Variants in GRM7 observed in about 807,000 individuals in gnomAD.
GRM7 encodes glutamate metabotropic receptor 7.
In GRM7, 35 loss-of-function variants were observed where a neutral mutation model predicts 84.5. That is an observed-to-expected ratio of 0.41 (90% CI 0.32 to 0.55). GRM7 has a LOEUF of 0.55. Ranked by LOEUF, GRM7 falls within the 20% of genes least tolerant of loss-of-function variation. The probability of loss-of-function intolerance (pLI) is 0.19; values close to 1 mark genes in which losing one functional copy is unlikely to be tolerated. For missense variants in GRM7, 1,003 were observed against 1,194.6 expected (o/e 0.84, Z 2.36); for synonymous variants, 487 against 455.1 (o/e 1.07, Z -0.89).
At chr3:7,238,434 T>A (rs1697423400) in intron 2 of GRM7, among the ~76,000 whole-genome samples, 1 of 152,126 alleles carries the variant, frequency 6.6e-6, no homozygotes, top group Non-Finnish European at 1.5e-5. Flanking sequence ...AGAAAGCTAT[T>A]TTTTCACCAC....
intron 4 of GRM7, among the ~76,000 whole-genome samples, chr3:7,379,962 AC>A (rs780414727): frequency 1.3e-5 from 2 of 151,978 alleles, no homozygotes; most frequent in African/African-American, 2.4e-5. Context: ...CCTTCTTACT[AC>A]CTTTATTTTC....
At chr3:7,503,401 C>G (rs1208008448) in intron 7 of GRM7, among the ~76,000 whole-genome samples, 3 of 151,986 alleles carry the variant, frequency 2.0e-5, no homozygotes, top group Non-Finnish European at 4.4e-5. Context: ...CACACACACA[C>G]ACACTTTCTC....
intron 2 of GRM7, among the ~76,000 whole-genome samples, chr3:7,162,119 G>T (rs1024436797): frequency 8.5e-5 from 13 of 152,182 alleles, no homozygotes; most frequent in African/African-American, 3.1e-4. Flanking sequence ...TTTTAGACTT[G>T]TGAGGCTTGA....
At chr3:7,445,169 G>A (rs532312601) in intron 5 of GRM7, among the ~76,000 whole-genome samples, 1 of 152,208 alleles carries the variant, frequency 6.6e-6, no homozygotes, top group African/African-American at 2.4e-5. Context: ...ACATTCAGTA[G>A]GTATAAGAGG....
intron 1 of GRM7, among the ~76,000 whole-genome samples, chr3:7,132,320 G>A (rs1414096736): frequency 6.6e-6 from 1 of 152,090 alleles, no homozygotes; most frequent in Admixed American, 6.6e-5. Context: ...ACATAAATAC[G>A]CTCATGGAGT....
At chr3:7,398,652 T>TAC (rs1225645228) in intron 4 of GRM7, among the ~76,000 whole-genome samples, 4 of 152,108 alleles carry the variant, frequency 2.6e-5, no homozygotes, top group Non-Finnish European at 4.4e-5. Context: ...TATGCATATA[T>TAC]ACACACACAC....
intron 8 of GRM7, among the ~76,000 whole-genome samples, chr3:7,647,808 G>A (rs1306585956): frequency 2.5e-5 from 3 of 121,296 alleles, no homozygotes; most frequent in Non-Finnish European, 5.5e-5. Flanking sequence ...CACTTGAGCA[G>A]ATGGTCTTGC....
rs192407547 is a variant in GRM7, at chr3:7,611,293, G to A, written c.2451+31936G>A. Among the ~76,000 whole-genome samples the A allele has an allele frequency of 1.8e-3, 274 of 152,250 alleles. 1 individual carries two copies. Among genetic ancestry groups the A allele is most frequent in the Middle Eastern group, 0.01 (3 of 294 alleles). The stretch of plus-strand genomic sequence containing the variant: ...ATAATTATTATATGAAACCGTTGCC[G>A]TAGTGTATCAAGGGGCCTATAATTT... On this transcript the variant is annotated intron_variant, in intron 8 of 9. Coordinates refer to ENST00000357716, the MANE Select transcript of GRM7 (RefSeq NM_000844.4).
At chr3:6,999,079 A>AT (rs971475549) in intron 1 of GRM7, among the ~76,000 whole-genome samples, 1 of 151,900 alleles carries the variant, frequency 6.6e-6, no homozygotes, top group Non-Finnish European at 1.5e-5. Context: ...AACTTTCCAA[A>AT]TTTTTTTTGC....
intron 1 of GRM7, among the ~76,000 whole-genome samples, chr3:7,063,414 G>A (rs73029510): frequency 0.15 from 22,438 of 151,718 alleles, 2,132 homozygotes; most frequent in Non-Finnish European, 0.21. Context: ...GCTGGGGTTA[G>A]AGAGAGGATA....
intron 6 of GRM7, among the ~76,000 whole-genome samples, chr3:7,460,723 A>G (rs1203289677): frequency 6.6e-6 from 1 of 152,228 alleles, no homozygotes; most frequent in Non-Finnish European, 1.5e-5. Flanking sequence ...TGCTGAAACT[A>G]ACAAAAACTC....
At chr3:7,221,836 T>C (rs968027427) in intron 2 of GRM7, among the ~76,000 whole-genome samples, 40 of 148,732 alleles carry the variant, frequency 2.7e-4, no homozygotes, top group African/African-American at 9.7e-4. Flanking sequence ...TGATGGAGTC[T>C]TACTCTGTCG....
intron 9 of GRM7, among the ~76,000 whole-genome samples, chr3:7,708,931 G>A (rs997814234): frequency 6.6e-6 from 1 of 151,732 alleles, no homozygotes; most frequent in Non-Finnish European, 1.5e-5. Flanking sequence ...TTGTGTGTAT[G>A]CACACACAAC....
At chr3:7,306,742 T>G in intron 4 of GRM7, 90 bp downstream of exon 4, 1 of 1,142,066 alleles carries the variant, frequency 8.8e-7, no homozygotes, top group Non-Finnish European at 1.2e-6. Context: ...GGTTTGGCAT[T>G]TTTACCAAAC....
At chr3:6,950,056 C>A (rs900488764) in intron 1 of GRM7, among the ~76,000 whole-genome samples, 8 of 152,210 alleles carry the variant, frequency 5.3e-5, no homozygotes, top group African/African-American at 1.9e-4. Flanking sequence ...TCTCTCAACT[C>A]ATCAAAGTCA....
Position 7,409,307 on chromosome 3 carries a change from A to G in GRM7, c.1034-5716A>G, listed in dbSNP as rs11713060. 7.1e-3 allele frequency among the ~76,000 whole-genome samples: 1,087 copies of G among 152,326 alleles called. 21 individuals are homozygous for G. Among genetic ancestry groups the G allele is most frequent in the Non-Finnish European group, 0.011 (716 of 68,040 alleles). On this transcript the variant is annotated intron_variant, in intron 4 of 9. Coordinates refer to ENST00000357716, the MANE Select transcript of GRM7 (RefSeq NM_000844.4). The stretch of plus-strand genomic sequence containing the variant: ...AAAAGTTTGTATTTTTATTGAGATC[A>G]CACAAAATCTATAAATTAACTTGAA...
intron 1 of GRM7, among the ~76,000 whole-genome samples, chr3:6,903,190 C>T (rs1264360938): frequency 6.7e-6 from 1 of 149,102 alleles, no homozygotes; most frequent in African/African-American, 2.5e-5. Flanking sequence ...CCATCTATTT[C>T]CCAATATTTT....
intron 2 of GRM7, among the ~76,000 whole-genome samples, chr3:7,169,286 ATT>A (rs1694906751): frequency 6.6e-6 from 1 of 152,116 alleles, no homozygotes; most frequent in Non-Finnish European, 1.5e-5. Flanking sequence ...CAGTGTATCC[ATT>A]TTGTAGAAAT....
At chr3:7,235,453 A>G (rs1380849091) in intron 2 of GRM7, among the ~76,000 whole-genome samples, 2 of 152,190 alleles carry the variant, frequency 1.3e-5, no homozygotes, top group African/African-American at 4.8e-5. Flanking sequence ...TCTGTGGTAC[A>G]TGATAAGCAC....
Sources: allele counts gnomAD v4.1 joint callset (sites outside exome capture counted in the v4.1 genomes callset), GRCh38; gene constraint gnomAD v4.1.1; transcripts MANE v1.5; gene names NCBI Gene and HGNC (gene_info 2026-07-23, HGNC 2026-07-21).